Variants in PRCP observed in about 807,000 individuals in gnomAD.
PRCP encodes lysosomal Pro-X carboxypeptidase.
PRCP carries 46 observed loss-of-function variants against 54.2 expected under a neutral mutation model. The ratio of observed to expected loss-of-function variants is 0.85; its 90% CI spans 0.67 to 1.09. The LOEUF is 1.09. Ranked by LOEUF, PRCP falls within the 50% of genes least tolerant of loss-of-function variation. The pLI, the probability that PRCP is intolerant of heterozygous loss-of-function variation, is 0.00. For missense variants in PRCP, 613 were observed against 596.8 expected (o/e 1.03, Z -0.28); for synonymous variants, 240 against 212.2 (o/e 1.13, Z -1.14).
rs538693272 is a variant in PRCP, at chr11:82,844,724, C to A, written c.921+4325G>T. Among the ~76,000 whole-genome samples, 27 of 97,174 alleles carry A rather than the reference C, an allele frequency of 2.8e-4. No individual in the cohort carries two copies. The Admixed American group carries it at 3.3e-3, about 12-fold the overall frequency. 63.7% of individuals were successfully genotyped at this position (97,174 alleles called of 152,430 possible). On this transcript the variant is annotated intron_variant, in intron 6 of 8. Coordinates refer to ENST00000313010, the MANE Select transcript of PRCP (RefSeq NM_005040.4). ...CTCCAGCCTGGGAGACAGAGCGAGG[C>A]TCCGTCTCAAAAAAAAAAAAAAAAA... is the stretch of plus-strand genomic sequence containing the variant.
At position 82,861,686 on chromosome 11, in the gene PRCP, T is replaced by C. The variant is rs142763073; in HGVS notation, c.169-1569A>G. The stretch of plus-strand genomic sequence containing the variant: ...TAAAGGTAAAAGAGCAAGTTGAAGA[T>C]ATTTCAAAGGGACAACAGATACTGA... On this transcript the variant is annotated intron_variant, in intron 1 of 8. Transcript: ENST00000313010. 3.2e-3 allele frequency among the ~76,000 whole-genome samples: 486 copies of C among 152,298 alleles called. 2 individuals carry two copies. The highest frequency in any genetic ancestry group is 0.02 in the Middle Eastern group (6 of 294).
chr11:82,885,922 A>G (rs1859852544), intron 1 of PRCP, among the ~76,000 whole-genome samples: 2 of 152,164 alleles, frequency 1.3e-5, no homozygotes, highest in African/African-American at 2.4e-5. Flanking sequence ...CTGCCTCACC[A>G]AAGATGTATC....
At chr11:82,877,653 A>T (rs1859640146) in intron 1 of PRCP, among the ~76,000 whole-genome samples, 1 of 152,186 alleles carries the variant, frequency 6.6e-6, no homozygotes, top group African/African-American at 2.4e-5. Flanking sequence ...AGAAGTCAAG[A>T]ATTGAGGTTT....
At chr11:82,831,284 A>G (rs757564827) in intron 8 of PRCP, 7 of 152,186 alleles carry the variant, frequency 4.6e-5, no homozygotes, top group Non-Finnish European at 7.3e-5. Flanking sequence ...ACTCCCCCCA[A>G]AAAGCAACTG....
At chr11:82,882,526 C>A (rs1004517066) in intron 1 of PRCP, among the ~76,000 whole-genome samples, 2 of 137,034 alleles carry the variant, frequency 1.5e-5, no homozygotes, top group Admixed American at 7.4e-5. Context: ...GACGGAGTCT[C>A]GCTCTGTCGC....
chr11:82,895,727 AAGG>A (rs1284070614), intron 1 of PRCP, among the ~76,000 whole-genome samples: 1 of 152,198 alleles, frequency 6.6e-6, no homozygotes, highest in Non-Finnish European at 1.5e-5. Context: ...GAAAAATTTA[AAGG>A]AGGAGGAGAA....
chr11:82,867,039 T>C (rs927625147), intron 1 of PRCP, among the ~76,000 whole-genome samples: 1 of 152,218 alleles, frequency 6.6e-6, no homozygotes, highest in African/African-American at 2.4e-5. Context: ...ATTGCTCAAC[T>C]GATGCAGTTT....
intron 2 of PRCP, among the ~76,000 whole-genome samples, chr11:82,857,279 T>C (rs888899260): frequency 6.6e-6 from 1 of 152,200 alleles, no homozygotes; most frequent in African/African-American, 2.4e-5. Context: ...GTTCTAAGCA[T>C]TTCATATGAA....
intron 1 of PRCP, among the ~76,000 whole-genome samples, chr11:82,883,767 C>T (rs1859804525): frequency 6.6e-6 from 1 of 152,302 alleles, no homozygotes; most frequent in South Asian, 2.1e-4. Flanking sequence ...GAGTGTGACC[C>T]AAGGTTGCTT....
At chr11:82,857,368 C>T (rs926604402) in intron 2 of PRCP, among the ~76,000 whole-genome samples, 21 of 152,182 alleles carry the variant, frequency 1.4e-4, no homozygotes, top group African/African-American at 4.6e-4. Context: ...AACATTGAGG[C>T]ACAAGAGTTT....
chr11:82,825,251 T>C (rs947670362), intron 8 of PRCP, 129 bp from the exon 9 acceptor site: 2 of 811,984 alleles, frequency 2.5e-6, no homozygotes, highest in African/African-American at 3.5e-5. Context: ...GGATTTGATC[T>C]GAGGATCTAA....
At chr11:82,844,746 A>AG (rs1359914425) in intron 6 of PRCP, among the ~76,000 whole-genome samples, 85 of 148,720 alleles carry the variant, frequency 5.7e-4, no homozygotes, top group African/African-American at 1.3e-3. Context: ...AAAAAAAAAA[A>AG]AAAAGAAAGA....
At chr11:82,840,332 T>G (rs985176408) in intron 6 of PRCP, 2 of 152,164 alleles carry the variant, frequency 1.3e-5, no homozygotes, top group African/African-American at 4.8e-5. Flanking sequence ...ATATAATTTG[T>G]GTATTTCATG....
chr11:82,848,073 A>G (rs1246074368), intron 6 of PRCP, among the ~76,000 whole-genome samples: 1 of 152,238 alleles, frequency 6.6e-6, no homozygotes, highest in Non-Finnish European at 1.5e-5. Context: ...TTAAGTTACA[A>G]ATTTTTAAGC....
intron 1 of PRCP, among the ~76,000 whole-genome samples, chr11:82,874,433 G>A (rs776838054): frequency 2.0e-5 from 3 of 152,132 alleles, no homozygotes; most frequent in African/African-American, 4.8e-5. Context: ...GCTCACACCC[G>A]TGATCCCAGG....
At chr11:82,853,075 G>A (rs1005628694) in intron 3 of PRCP, 102 bp downstream of exon 3, 1 of 735,322 alleles carries the variant, frequency 1.4e-6, no homozygotes. Flanking sequence ...GAGCTTTTAG[G>A]CATTTCAAAT....
upstream of PRCP, chr11:82,901,019 G>A (rs1860276440): frequency 2.6e-6 from 1 of 383,988 alleles, no homozygotes; most frequent in Non-Finnish European, 5.2e-6. Context: ...TGTGGAAACT[G>A]AGGCTCAGAG....
rs1414798049 is a variant in PRCP, at chr11:82,838,539, A to G, written c.1122T>C (p.Asn374=). 4 of 1,613,926 alleles carry G rather than the reference A, an allele frequency of 2.5e-6. No individual in the cohort carries two copies. The highest frequency in any genetic ancestry group is 1.7e-6 in the Non-Finnish European group (2 of 1,179,952). The change falls in exon 8 of 9, where the codon AAT becomes AAC. Residue 374 remains asparagine (N), a synonymous_variant. Transcript: ENST00000313010. ...GAGGTTCAAACATGTCATCGACACCATTAGTACAAAAGGGCATGACTACTT... is the reference window on the plus strand; with the variant it reads ...GAGGTTCAAACATGTCATCGACACCGTTAGTACAAAAGGGCATGACTACTT... ...CTEVVMPFCT[N]GVDDMFEPHS...
intron 2 of PRCP, among the ~76,000 whole-genome samples, chr11:82,856,571 G>A (rs1006110992): frequency 1.3e-5 from 2 of 151,976 alleles, no homozygotes; most frequent in Admixed American, 1.3e-4. Context: ...CAACAACTAC[G>A]TATCAGGTAC....
Sources: gnomAD v4.1 joint callset for allele counts (sites outside exome capture counted in the v4.1 genomes callset) on GRCh38, gnomAD v4.1.1 for gene constraint, MANE v1.5 for transcripts, NCBI Gene and HGNC (gene_info 2026-07-23, HGNC 2026-07-21) for gene names.